ZCCHC8: variants seen among roughly 807,000 people sequenced by gnomAD.
The protein encoded by ZCCHC8 is zinc finger CCHC-type containing 8.
A neutral mutation model predicts 70.6 loss-of-function variants in ZCCHC8; 27 were observed. The ratio of observed to expected loss-of-function variants is 0.38; its 90% CI spans 0.28 to 0.53. ZCCHC8 has a LOEUF of 0.53. Ranked by LOEUF, ZCCHC8 falls within the 20% of genes least tolerant of loss-of-function variation. The pLI is 0.81. For missense variants in ZCCHC8, 737 were observed against 876.9 expected, an observed-to-expected ratio of 0.84 and a Z score of 2.01; for synonymous variants, 293 against 317.4, an observed-to-expected ratio of 0.92 and a Z score of 0.82.
chr12:122,480,446 T>C, intron 10 of ZCCHC8, 135 bp from the exon 11 acceptor site: 1 of 726,596 alleles, frequency 1.4e-6, no homozygotes, highest in Non-Finnish European at 2.0e-6. Flanking sequence ...ATTTTCATTA[T>C]AATTTTTCTA....
In ZCCHC8 at chr12:122,478,301, G is replaced by A; in HGVS notation, c.1141-9C>T. ...CCAAAGATCCTCCATTCCTAATGAT[G>A]AAAAGAGAAGGAAAAAAAAAACACA... is the stretch of plus-strand genomic sequence containing the variant. On this transcript the variant is annotated splice_polypyrimidine_tract_variant and intron_variant, in intron 11 of 13. Transcript: ENST00000633063. The A allele has an allele frequency of 3.9e-6, 6 of 1,546,676 alleles. No homozygotes were observed. The highest frequency in any genetic ancestry group is 1.2e-5 in the South Asian group (1 of 80,864).
At chr12:122,481,089 A>G (rs1378021376) in intron 10 of ZCCHC8, 1 of 152,776 alleles carries the variant, frequency 6.5e-6, no homozygotes, top group East Asian at 1.9e-4. Context: ...ATATTCAATG[A>G]TACAAAAAGA....
intron 12 of ZCCHC8, 68 bp from the exon 13 acceptor site, chr12:122,478,026 C>T (rs886299194): frequency 3.0e-5 from 40 of 1,331,816 alleles, no homozygotes; most frequent in Admixed American, 2.1e-4. Context: ...CATCCCTTCA[C>T]TTAAAATGAT....
At chr12:122,477,606 A>G (rs1593313546) in intron 13 of ZCCHC8, among the ~76,000 whole-genome samples, 1 of 132,330 alleles carries the variant, frequency 7.6e-6, no homozygotes. Context: ...AAGATGGTGA[A>G]ACCCTGTCTC....
intron 2 of ZCCHC8, among the ~76,000 whole-genome samples, chr12:122,495,466 G>A (rs1374237122): frequency 6.6e-6 from 1 of 152,154 alleles, no homozygotes; most frequent in Non-Finnish European, 1.5e-5. Flanking sequence ...ACTCCAGCCT[G>A]GGCAACAGAG....
rs142003751 is a variant in ZCCHC8, at chr12:122,495,100, A to C, written c.243-2311T>G. On this transcript the variant is annotated intron_variant, in intron 2 of 13. Coordinates refer to ENST00000633063, the MANE Select transcript of ZCCHC8 (RefSeq NM_017612.5). ...CTGAAATGTGCATGGGATTAGAAGG[A>C]GGCAATATGGCAAAAATATTAAATG... 3.2e-3 allele frequency among the ~76,000 whole-genome samples: 483 copies of C among 152,326 alleles called. 2 individuals are homozygous for C. The highest frequency in any genetic ancestry group is 0.011 in the African/African-American group (441 of 41,566).
At chr12:122,486,271 G>C (rs770771888) in intron 5 of ZCCHC8, among the ~76,000 whole-genome samples, 2 of 151,678 alleles carry the variant, frequency 1.3e-5, no homozygotes, top group Non-Finnish European at 2.9e-5. Context: ...AAATTAGCCA[G>C]GTGTGGTGGT....
At chr12:122,474,719 G>A (rs1001671414) in intron 13 of ZCCHC8, among the ~76,000 whole-genome samples, 7 of 151,178 alleles carry the variant, frequency 4.6e-5, no homozygotes, top group African/African-American at 1.5e-4. Context: ...GTACACCTTG[G>A]GTTATTTCCT....
chr12:122,487,205 C>A (rs1957658011), intron 5 of ZCCHC8, among the ~76,000 whole-genome samples: 1 of 152,206 alleles, frequency 6.6e-6, no homozygotes, highest in African/African-American at 2.4e-5. Flanking sequence ...TTCTTCAGGG[C>A]ACTACCTTCC....
At chr12:122,476,882 C>T (rs1207824897) in intron 13 of ZCCHC8, among the ~76,000 whole-genome samples, 1 of 151,094 alleles carries the variant, frequency 6.6e-6, no homozygotes, top group Non-Finnish European at 1.5e-5. Context: ...ATTAGCCAGG[C>T]GTGGTGGCGG....
chr12:122,472,872 T>C lies in ZCCHC8; in HGVS notation c.*625A>G, dbSNP rs1028825613. The C allele has an allele frequency of 6.6e-6, 1 of 152,216 alleles. No homozygotes were observed. The highest frequency in any genetic ancestry group is 6.6e-5 in the Admixed American group (1 of 15,262). 9.4% of individuals were successfully genotyped at this position (152,216 alleles called of 1,614,324 possible). On this transcript the variant is annotated 3_prime_UTR_variant, in exon 14 of 14. Coordinates refer to ENST00000633063, the MANE Select transcript of ZCCHC8 (RefSeq NM_017612.5). ...CACTGATTTTACCTGTGAATCACTT[T>C]TTTGTATTCAAAGTCTTAGATTATG...
rs1216799563 is a variant in ZCCHC8 at position 122,500,406 on chromosome 12, T to A, written c.199+236A>T. ...ACGGCACCCGGGTGGGAGGCAGGAG[T>A]GGGTCTGGTCAGGAGACGGCCTCCC... is the stretch of plus-strand genomic sequence containing the variant. On this transcript the variant is annotated intron_variant, in intron 1 of 13. Coordinates refer to ENST00000633063, the MANE Select transcript of ZCCHC8 (RefSeq NM_017612.5). This position sits in a 1 kb window ranked among gnomAD's most constrained non-coding sequence, Gnocchi z 4.8. 2 of 546,060 alleles carry A rather than the reference T, an allele frequency of 3.7e-6. No homozygotes were observed. Among genetic ancestry groups the A allele is most frequent in the East Asian group, 3.2e-5 (1 of 31,740 alleles). The allele number at this position is 546,060 out of a possible 1,614,324, so 33.8% of individuals were successfully genotyped here.
chr12:122,480,097 C>A, intron 11 of ZCCHC8, 93 bp downstream of exon 11: 1 of 1,194,280 alleles, frequency 8.4e-7, no homozygotes, highest in African/African-American at 1.5e-5. Flanking sequence ...CAGGTGTGAG[C>A]CACTATGCCT....
chr12:122,499,139 T>C (rs564286160), intron 1 of ZCCHC8: 24 of 489,108 alleles, frequency 4.9e-5, no homozygotes, highest in Middle Eastern at 5.6e-4. Context: ...AAAACCATTA[T>C]TGAAGCATCA....
rs1957533517 is a variant in ZCCHC8 at position 122,481,505 on chromosome 12, A to G, written c.1018+17T>C. 1.9e-6 allele frequency: 3 copies of G among 1,585,218 alleles called. No individual in the cohort carries two copies. Among genetic ancestry groups the G allele is most frequent in the Non-Finnish European group, 2.6e-6 (3 of 1,170,038 alleles). On this transcript the variant is annotated intron_variant, in intron 10 of 13. Transcript: ENST00000633063. ...AGGAAACACTTAAGGTGACTTCTCT[A>G]ACTTAAGATACTATACCTTTTCCAT...
rs907289082 is a variant in ZCCHC8 at position 122,473,224 on chromosome 12, T to C, written c.*273A>G. The C allele has an allele frequency of 2.6e-5, 10 of 379,612 alleles. No homozygotes were observed. The highest frequency in any genetic ancestry group is 7.3e-4 in the Middle Eastern group (1 of 1,374). The allele number at this position is 379,612 out of a possible 1,614,324, so 23.5% of individuals were successfully genotyped here. A position where few individuals can be genotyped will look rare whatever the true frequency, so the allele number is the denominator to read the frequency against. On this transcript the variant is annotated 3_prime_UTR_variant, in exon 14 of 14. Coordinates refer to ENST00000633063, the MANE Select transcript of ZCCHC8 (RefSeq NM_017612.5). ...GATAAAAACCATCACTCTCGACGGA[T>C]AGTCACAATCCAAAAATAGTATAAA...
chr12:122,490,796 C>T (rs1032934070), intron 3 of ZCCHC8: 3 of 333,986 alleles, frequency 9.0e-6, no homozygotes, highest in African/African-American at 6.4e-5. Context: ...GGCATAACAA[C>T]TGCCAACCAG....
intron 3 of ZCCHC8, chr12:122,490,923 C>G (rs1437747676): frequency 6.1e-6 from 1 of 163,668 alleles, no homozygotes; most frequent in Non-Finnish European, 1.3e-5. Flanking sequence ...TAATGAAAAG[C>G]TCCCTTCCTA....
intron 5 of ZCCHC8, among the ~76,000 whole-genome samples, chr12:122,486,215 C>T (rs1434792529): frequency 2.0e-5 from 3 of 151,728 alleles, no homozygotes; most frequent in Non-Finnish European, 4.4e-5. Flanking sequence ...GAGTTTGAGA[C>T]CAGCCTGACC....
Sources: allele counts gnomAD v4.1 joint callset (sites outside exome capture counted in the v4.1 genomes callset), GRCh38; gene constraint gnomAD v4.1.1; non-coding constraint Gnocchi (gnomAD v3.1); transcripts MANE v1.5; gene names NCBI Gene and HGNC (gene_info 2026-07-23, HGNC 2026-07-21).